The following SERTM1 variants were observed in gnomAD, a reference collection of about 807,000 sequenced individuals.
SERTM1 encodes serine rich and transmembrane domain containing 1.
Under a neutral mutation model 5.5 loss-of-function variants are expected in SERTM1, and 1 was observed. That is an observed-to-expected ratio of 0.18 (90% CI 0.06 to 0.86). SERTM1 has a LOEUF of 0.86. SERTM1 is among the 40% of genes least tolerant of loss of function. The probability of loss-of-function intolerance (pLI) is 0.69; values close to 1 mark genes in which losing one functional copy is unlikely to be tolerated. For synonymous variants in SERTM1, 52 were observed against 55.1 expected, an observed-to-expected ratio of 0.94 and a Z score of 0.25; for missense variants, 91 against 122.4, an observed-to-expected ratio of 0.74 and a Z score of 1.21.
chr13:36,680,449 T>C (rs893960141), intron 1 of SERTM1, among the ~76,000 whole-genome samples: 1 of 152,212 alleles, frequency 6.6e-6, no homozygotes, highest in African/African-American at 2.4e-5. Flanking sequence ...TGCCTTCCTC[T>C]TGTTAGCCAC....
intron 1 of SERTM1, among the ~76,000 whole-genome samples, chr13:36,689,202 A>T (rs988682694): frequency 1.3e-5 from 2 of 152,176 alleles, no homozygotes; most frequent in Admixed American, 1.3e-4. Flanking sequence ...ATACTAAAAA[A>T]TTTATTAAGA....
chr13:36,676,888 T>C (rs1212232860), intron 1 of SERTM1, among the ~76,000 whole-genome samples: 2 of 152,124 alleles, frequency 1.3e-5, no homozygotes, highest in Non-Finnish European at 2.9e-5. Flanking sequence ...AGCCCACGAG[T>C]TGGCAGGATT....
chr13:36,684,585 C>G (rs774971439), intron 1 of SERTM1, among the ~76,000 whole-genome samples: 41 of 152,220 alleles, frequency 2.7e-4, no homozygotes, highest in Middle Eastern at 3.4e-3. Flanking sequence ...TGCTACTCCT[C>G]AATGACTTGG....
chr13:36,693,800 G>T (rs1196794698), intron 1 of SERTM1, among the ~76,000 whole-genome samples: 1 of 152,222 alleles, frequency 6.6e-6, no homozygotes, highest in African/African-American at 2.4e-5. Context: ...ATGGAAGCAA[G>T]ATTTAGAAAT....
At chr13:36,675,013 A>G (rs559315068) in intron 1 of SERTM1, among the ~76,000 whole-genome samples, 37 of 152,276 alleles carry the variant, frequency 2.4e-4, no homozygotes, top group African/African-American at 8.9e-4. Flanking sequence ...GCCCTCCTCC[A>G]GGGAGCAGAG....
intron 1 of SERTM1, among the ~76,000 whole-genome samples, chr13:36,675,146 C>T (rs1355632891): frequency 6.6e-6 from 1 of 152,172 alleles, no homozygotes; most frequent in Non-Finnish European, 1.5e-5. Context: ...GAGATGGGGT[C>T]TGTTTGTTAG....
chr13:36,695,186 C>T lies in SERTM1; in HGVS notation c.108C>T (p.Gly36=). 1 of 1,614,186 alleles carries T rather than the reference C, an allele frequency of 6.2e-7. No individual in the cohort carries two copies. Among genetic ancestry groups the T allele is most frequent in the Middle Eastern group, 1.6e-4 (1 of 6,062 alleles). The change falls in exon 2 of 2, where the codon GGC becomes GGT. Residue 36 remains glycine, a synonymous_variant. Coordinates refer to ENST00000315190, the MANE Select transcript of SERTM1 (RefSeq NM_203451.3). ...SLSTSVDPSS[G]HLSNVYIYVS... ...CCACGTCAGTGGACCCATCCTCAGG[C>T]CACCTGTCAAACGTCTACATCTATG...
In SERTM1 at chr13:36,696,416, T is replaced by G. The variant is rs76464893; in HGVS notation, c.*1014T>G. 1 of 165,748 alleles carries G rather than the reference T, an allele frequency of 6.0e-6. No individual in the cohort carries two copies. Among genetic ancestry groups the G allele is most frequent in the Non-Finnish European group, 1.5e-5 (1 of 68,112 alleles). 10.3% of individuals were successfully genotyped at this position (165,748 alleles called of 1,614,324 possible). The stretch of plus-strand genomic sequence containing the variant: ...TTAGAAACTAAATTGCAAATATATG[T>G]GTTATTATATACTCCACGAATGTTG... On this transcript the variant is annotated 3_prime_UTR_variant, in exon 2 of 2. Coordinates refer to ENST00000315190, the MANE Select transcript of SERTM1 (RefSeq NM_203451.3).
chr13:36,689,566 A>G (rs2056764803), intron 1 of SERTM1, among the ~76,000 whole-genome samples: 1 of 149,644 alleles, frequency 6.7e-6, no homozygotes, highest in South Asian at 2.1e-4. Context: ...CCCCAGAAAA[A>G]CAAAGCTAAA....
chr13:36,695,107 T>G lies in SERTM1; in HGVS notation c.29T>G (p.Phe10Cys). The G allele has an allele frequency of 1.2e-6, 2 of 1,613,948 alleles. No individual in the cohort carries two copies. Among genetic ancestry groups the G allele is most frequent in the Non-Finnish European group, 1.7e-6 (2 of 1,179,912 alleles). MSEPDTSSGFSGSVENGTFL... is the reference protein window; with the variant it reads MSEPDTSSGCSGSVENGTFL... Reference sequence around the variant, plus strand: ...TCTGAACCTGACACTTCCTCAGGATTTTCGGGAAGTGTGGAGAATGGAACT... The same window carrying G: ...TCTGAACCTGACACTTCCTCAGGATGTTCGGGAAGTGTGGAGAATGGAACT... The change falls in exon 2 of 2, where the codon TTT becomes TGT. Residue 10 changes from phenylalanine to cysteine, a missense_variant. Transcript: ENST00000315190.
intron 1 of SERTM1, among the ~76,000 whole-genome samples, chr13:36,684,879 A>G (rs1445618782): frequency 1.3e-5 from 2 of 152,200 alleles, no homozygotes; most frequent in Non-Finnish European, 2.9e-5. Context: ...GAGTGAAAAC[A>G]TATTTATTTA....
chr13:36,678,431 T>G (rs116526494), intron 1 of SERTM1, among the ~76,000 whole-genome samples: 2,048 of 151,794 alleles, frequency 0.013, 55 homozygotes, highest in African/African-American at 0.047. Context: ...GACTTAGTCA[T>G]AGATGTTCAG....
intron 1 of SERTM1, among the ~76,000 whole-genome samples, chr13:36,686,483 T>C (rs1274079588): frequency 6.6e-6 from 1 of 152,236 alleles, no homozygotes. Context: ...TAACAATAAA[T>C]ACCTATATAT....
At chr13:36,676,526 GT>G in intron 1 of SERTM1, among the ~76,000 whole-genome samples, 2 of 152,192 alleles carry the variant, frequency 1.3e-5, no homozygotes, top group Non-Finnish European at 2.9e-5. Context: ...GTTCATCTGA[GT>G]TTTTAAAGTA....
intron 1 of SERTM1, among the ~76,000 whole-genome samples, chr13:36,693,314 A>AT (rs2056791306): frequency 6.6e-6 from 1 of 151,960 alleles, no homozygotes; most frequent in South Asian, 2.1e-4. Context: ...CGGCTGGAAC[A>AT]TTTATGTGCT....
At chr13:36,689,745 G>A (rs1035374054) in intron 1 of SERTM1, among the ~76,000 whole-genome samples, 2 of 151,212 alleles carry the variant, frequency 1.3e-5, no homozygotes, top group African/African-American at 4.8e-5. Context: ...TGAATATTCT[G>A]AGAATTATAC....
intron 1 of SERTM1, among the ~76,000 whole-genome samples, chr13:36,681,015 A>G (rs1202714166): frequency 6.6e-6 from 1 of 152,020 alleles, no homozygotes; most frequent in East Asian, 1.9e-4. Flanking sequence ...ATCTGTTTTC[A>G]CTCCTCTTAT....
Position 36,695,217 on chromosome 13 carries a change from A to T in SERTM1, c.139A>T (p.Ile47Leu), listed in dbSNP as rs1355645637. The change falls in exon 2 of 2, where the codon ATA becomes TTA. Residue 47 changes from isoleucine to leucine, a missense_variant. Transcript: ENST00000315190. Reference protein sequence around the residue: ...HLSNVYIYVSIFLSLLAFLLL... With the variant: ...HLSNVYIYVSLFLSLLAFLLL... ...GTCAAACGTCTACATCTATGTGTCC[A>T]TATTCCTCAGCCTTTTAGCGTTTCT... The T allele has an allele frequency of 1.9e-6, 3 of 1,614,100 alleles. No individual in the cohort carries two copies. The highest frequency in any genetic ancestry group is 2.5e-6 in the Non-Finnish European group (3 of 1,180,052).
chr13:36,680,203 A>T (rs2056696078), intron 1 of SERTM1, among the ~76,000 whole-genome samples: 2 of 152,182 alleles, frequency 1.3e-5, no homozygotes, highest in South Asian at 4.1e-4. Context: ...TACTCATGGG[A>T]AAGTCTTTGG....
Sources: allele counts gnomAD v4.1 joint callset (sites outside exome capture counted in the v4.1 genomes callset), GRCh38; gene constraint gnomAD v4.1.1; transcripts MANE v1.5; gene names NCBI Gene and HGNC (gene_info 2026-07-23, HGNC 2026-07-21).